Variants in EZH1 observed in about 807,000 individuals in gnomAD.
EZH1 encodes the protein histone-lysine N-methyltransferase EZH1.
A neutral mutation model predicts 100.5 loss-of-function variants in EZH1; 33 were observed. The observed-to-expected ratio is 0.33, with a 90% CI of 0.25 to 0.44. The LOEUF (loss-of-function observed/expected upper bound fraction) is 0.44. Ranked by LOEUF, EZH1 falls within the 20% of genes least tolerant of loss-of-function variation. The probability of loss-of-function intolerance (pLI) is 1.00; values close to 1 mark genes in which losing one functional copy is unlikely to be tolerated. For missense variants in EZH1, 475 were observed against 928.4 expected, an observed-to-expected ratio of 0.51 and a Z score of 6.35; for synonymous variants, 272 against 313.8, an observed-to-expected ratio of 0.87 and a Z score of 1.41.
chr17:42,739,612 A>G (rs560041358), intron 1 of EZH1, among the ~76,000 whole-genome samples: 2 of 151,980 alleles, frequency 1.3e-5, no homozygotes, highest in Non-Finnish European at 2.9e-5. Context: ...CTGTAATCCC[A>G]GCTACTCGGG....
At chr17:42,736,910 C>T (rs1167041087) in intron 1 of EZH1, among the ~76,000 whole-genome samples, 1 of 151,738 alleles carries the variant, frequency 6.6e-6, no homozygotes. Flanking sequence ...AAATAAGACG[C>T]AAATAACTGC....
At chr17:42,708,236 C>T (rs1375907489) in intron 14 of EZH1, 153 bp from the exon 15 acceptor site, 9 of 869,966 alleles carry the variant, frequency 1.0e-5, no homozygotes, top group African/African-American at 3.4e-5. Context: ...CAGGGATGAC[C>T]GTTGTTCATA....
At chr17:42,714,656 G>GT in intron 10 of EZH1, 3 of 252,966 alleles carry the variant, frequency 1.2e-5, no homozygotes, top group South Asian at 4.3e-5. Flanking sequence ...TAAAAATGAA[G>GT]TTTTTTTGAG....
chr17:42,741,259 G>C (rs1159714353), intron 1 of EZH1, among the ~76,000 whole-genome samples: 1 of 152,286 alleles, frequency 6.6e-6, no homozygotes, highest in Middle Eastern at 3.4e-3. Flanking sequence ...TCCCTTTGTC[G>C]CCCAGGCTAG....
At chr17:42,726,995 G>A (rs7222981) in intron 4 of EZH1, among the ~76,000 whole-genome samples, 65,243 of 151,664 alleles carry the variant, frequency 0.43, 15,049 homozygotes, top group Non-Finnish European at 0.53. Flanking sequence ...GATTATAGGT[G>A]TGCACCATCA....
chr17:42,712,211 C>T, intron 12 of EZH1, 78 bp downstream of exon 12: 4 of 1,455,740 alleles, frequency 2.7e-6, no homozygotes, highest in East Asian at 2.3e-5. Flanking sequence ...GACACACAGC[C>T]TGGTAAGATG....
At position 42,700,323 on chromosome 17, in the gene EZH1, T is replaced by G. The variant is rs2143689639; in HGVS notation, c.*2209A>C. ...GGTCACAAGCCACAGGACTTTAAAG[T>G]GCATGAAATTTATTGGCAATGAAGC... On this transcript the variant is annotated 3_prime_UTR_variant, in exon 21 of 21. Transcript: ENST00000428826. The G allele has an allele frequency of 6.5e-6, 1 of 152,910 alleles. No individual in the cohort carries two copies. Among genetic ancestry groups the G allele is most frequent in the Admixed American group, 6.5e-5 (1 of 15,296 alleles). The allele number at this position is 152,910 out of a possible 1,614,324, so 9.5% of individuals were successfully genotyped here.
At chr17:42,722,688 G>T in intron 6 of EZH1, 107 bp downstream of exon 6, 4 of 1,060,742 alleles carry the variant, frequency 3.8e-6, no homozygotes, top group Non-Finnish European at 5.5e-6. Flanking sequence ...ATTCTGCAGT[G>T]TGTACCCCAT....
chr17:42,713,146 G>A, intron 11 of EZH1, 63 bp downstream of exon 11: 2 of 1,516,384 alleles, frequency 1.3e-6, no homozygotes, highest in African/African-American at 1.4e-5. Context: ...GTCAGGCAGT[G>A]ATCCTGGGTT....
At chr17:42,724,452 G>A in intron 4 of EZH1, 28 bp from the exon 5 acceptor site, 1 of 1,609,748 alleles carries the variant, frequency 6.2e-7, no homozygotes, top group South Asian at 1.1e-5. Flanking sequence ...ACATGGAGAG[G>A]GAAAGACGGG....
intron 12 of EZH1, among the ~76,000 whole-genome samples, chr17:42,710,978 C>T (rs1030953940): frequency 2.0e-5 from 3 of 152,034 alleles, no homozygotes; most frequent in African/African-American, 7.2e-5. Context: ...GCCACAGAGT[C>T]TCCTCCAGAA....
chr17:42,715,293 A>G (rs1210174203), intron 10 of EZH1, among the ~76,000 whole-genome samples: 1 of 146,240 alleles, frequency 6.8e-6, no homozygotes, highest in Non-Finnish European at 1.5e-5. Context: ...TATTTTTTTG[A>G]GACGAGGTCT....
chr17:42,726,161 G>A (rs1206190582), intron 4 of EZH1, among the ~76,000 whole-genome samples: 1 of 146,086 alleles, frequency 6.8e-6, no homozygotes, highest in African/African-American at 2.5e-5. Flanking sequence ...TTACAGGCAT[G>A]AGCCACTGCA....
intron 16 of EZH1, chr17:42,705,800 G>C (rs1485973911): frequency 2.1e-6 from 1 of 473,192 alleles, no homozygotes; most frequent in South Asian, 4.4e-5. Context: ...TTACAGGCAT[G>C]AGCCACCACA....
Position 42,704,689 on chromosome 17 carries a change from G to A in EZH1, c.1936-6C>T, listed in dbSNP as rs765267116. On this transcript the variant is annotated splice_region_variant and splice_polypyrimidine_tract_variant and intron_variant, in intron 17 of 20. Transcript: ENST00000428826. ...GCCTCATCCTGAGAGATGAGCTAGA[G>A]AGATAGACAAATAACAAATAGGAGT... 11 of 1,612,064 alleles carry A rather than the reference G, an allele frequency of 6.8e-6. No individual in the cohort carries two copies. The highest frequency in any genetic ancestry group is 9.3e-6 in the Non-Finnish European group (11 of 1,178,968).
At chr17:42,724,016 T>A (rs2053768769) in intron 5 of EZH1, among the ~76,000 whole-genome samples, 1 of 152,180 alleles carries the variant, frequency 6.6e-6, no homozygotes, top group South Asian at 2.1e-4. Context: ...TAACTGTACA[T>A]AATATTGGGC....
intron 10 of EZH1, among the ~76,000 whole-genome samples, chr17:42,714,829 T>C (rs1436748571): frequency 6.8e-6 from 1 of 146,444 alleles, no homozygotes; most frequent in Non-Finnish European, 1.5e-5. Context: ...CAGTATCAAT[T>C]ATACTATTTT....
chr17:42,719,554 T>C (rs964984764), intron 7 of EZH1, among the ~76,000 whole-genome samples: 4 of 152,132 alleles, frequency 2.6e-5, no homozygotes, highest in East Asian at 1.9e-4. Context: ...CTGGCCAACA[T>C]GGTAAAACCC....
Position 42,722,868 on chromosome 17 carries a change from T to C in EZH1, c.414A>G (p.Glu138=), listed in dbSNP as rs750448078. 6.2e-7 allele frequency: 1 copy of C among 1,614,080 alleles called. No individual in the cohort carries two copies. The highest frequency in any genetic ancestry group is 8.5e-7 in the Non-Finnish European group (1 of 1,179,970). ...TAAAAGTCTCATCTTCTTCTTTCAC[T>C]TCATCTCCCATGTAGGGAATATTGC... The part of the protein sequence containing the change: ...VLCNIPYMGD[E]VKEEDETFIE... The change falls in exon 6 of 21, where the codon GAA becomes GAG. Residue 138 remains glutamate (E), a synonymous_variant. Transcript: ENST00000428826.
Sources: allele counts gnomAD v4.1 joint callset (sites outside exome capture counted in the v4.1 genomes callset), GRCh38; gene constraint gnomAD v4.1.1; transcripts MANE v1.5; gene names NCBI Gene and HGNC (gene_info 2026-07-23, HGNC 2026-07-21).